PHF24: variants seen among roughly 807,000 people sequenced by gnomAD.
The protein encoded by PHF24 is PHD finger protein 24, also known as Galpha inhibitory interacting protein.
PHF24 carries 25 observed loss-of-function variants against 42.6 expected under a neutral mutation model. The ratio of observed to expected loss-of-function variants is 0.59; its 90% CI spans 0.43 to 0.82. The LOEUF is 0.82. PHF24 is among the 40% of genes least tolerant of loss of function. The probability of loss-of-function intolerance (pLI) is 0.00; values close to 1 mark genes in which losing one functional copy is unlikely to be tolerated. For missense variants in PHF24, 470 were observed against 538.1 expected, an observed-to-expected ratio of 0.87 and a Z score of 1.25; for synonymous variants, 185 against 204.8, an observed-to-expected ratio of 0.90 and a Z score of 0.83.
the PHF24 span, among the ~76,000 whole-genome samples, chr9:34,744,427 T>G: frequency 6.6e-6 from 1 of 152,166 alleles, no homozygotes; most frequent in South Asian, 2.1e-4. Context: ...TATGGCCAAC[T>G]ACAAAGTAGG....
At chr9:34,959,190 C>T (rs1220358157) in intron 1 of PHF24, among the ~76,000 whole-genome samples, 1 of 152,186 alleles carries the variant, frequency 6.6e-6, no homozygotes, top group African/African-American at 2.4e-5. Context: ...ATTTGAGCCC[C>T]TAGGTTTGAC....
At chr9:34,688,592 G>C in the PHF24 span, among the ~76,000 whole-genome samples, 1 of 152,060 alleles carries the variant, frequency 6.6e-6, no homozygotes, top group African/African-American at 2.4e-5. Flanking sequence ...CCACCCCGTG[G>C]GCCTCTCTCC....
the PHF24 span, among the ~76,000 whole-genome samples, chr9:34,869,087 T>C: frequency 2.0e-5 from 3 of 152,208 alleles, no homozygotes; most frequent in Non-Finnish European, 4.4e-5. Context: ...CATAATCTCA[T>C]TCCTTTTTAT....
chr9:34,685,178 A>G, the PHF24 span, among the ~76,000 whole-genome samples: 1 of 152,030 alleles, frequency 6.6e-6, no homozygotes, highest in Non-Finnish European at 1.5e-5. Context: ...GCCTGTCACA[A>G]GGTTCCTTGT....
the PHF24 span, among the ~76,000 whole-genome samples, chr9:34,698,408 T>C: frequency 6.6e-6 from 1 of 152,186 alleles, no homozygotes; most frequent in Non-Finnish European, 1.5e-5. Flanking sequence ...ATACTGTATT[T>C]ATATGTACTA....
chr9:34,733,798 C>T, the PHF24 span, among the ~76,000 whole-genome samples: 14 of 152,068 alleles, frequency 9.2e-5, no homozygotes, highest in East Asian at 1.9e-3. Flanking sequence ...CTACTGTGCC[C>T]GGCCATGGCT....
the PHF24 span, among the ~76,000 whole-genome samples, chr9:34,684,477 G>A: frequency 6.6e-6 from 1 of 152,174 alleles, no homozygotes; most frequent in South Asian, 2.1e-4. Flanking sequence ...CTGCCTCACA[G>A]GTTTAAGTGT....
chr9:34,842,106 TG>T, the PHF24 span, among the ~76,000 whole-genome samples: 2 of 152,246 alleles, frequency 1.3e-5, no homozygotes, highest in African/African-American at 4.8e-5. Flanking sequence ...CATTTATGTC[TG>T]GCTTCTTGCA....
At chr9:34,772,161 A>C in the PHF24 span, among the ~76,000 whole-genome samples, 1 of 152,332 alleles carries the variant, frequency 6.6e-6, no homozygotes, top group South Asian at 2.1e-4. Context: ...AATTAAATTA[A>C]ACTCCCCAAG....
upstream of PHF24, among the ~76,000 whole-genome samples, chr9:34,953,179 G>A (rs1826300695): frequency 6.6e-6 from 1 of 152,200 alleles, no homozygotes; most frequent in South Asian, 2.1e-4. The surrounding 1 kb of genome is among the most constrained non-coding windows in gnomAD (Gnocchi z 4.1). Flanking sequence ...GAGAATGAAA[G>A]GACAAACTAC....
chr9:34,971,122 G>A (rs1826960201), intron 1 of PHF24, among the ~76,000 whole-genome samples, 173 bp from the exon 2 acceptor site: 1 of 152,054 alleles, frequency 6.6e-6, no homozygotes, highest in African/African-American at 2.4e-5. Context: ...ATAAAATTTA[G>A]GAAAGAAGTA....
the PHF24 span, among the ~76,000 whole-genome samples, chr9:34,691,656 C>T: frequency 6.6e-6 from 1 of 152,200 alleles, no homozygotes; most frequent in Non-Finnish European, 1.5e-5. Flanking sequence ...CTCACTGGTG[C>T]TTCTTTCTTG....
At chr9:34,808,178 T>A in the PHF24 span, among the ~76,000 whole-genome samples, 1 of 152,210 alleles carries the variant, frequency 6.6e-6, no homozygotes, top group Non-Finnish European at 1.5e-5. Flanking sequence ...GGTTGTTTAA[T>A]CTTTCTGCAC....
chr9:34,951,518 T>C, the PHF24 span, among the ~76,000 whole-genome samples: 6 of 152,112 alleles, frequency 3.9e-5, no homozygotes, highest in African/African-American at 1.4e-4. Flanking sequence ...TTGCTGGCTT[T>C]GAAGACAGAG....
At chr9:34,907,948 T>G in the PHF24 span, among the ~76,000 whole-genome samples, 1 of 152,116 alleles carries the variant, frequency 6.6e-6, no homozygotes, top group Admixed American at 6.5e-5. Context: ...GTTCAAGCAA[T>G]TCTCCTGCCT....
chr9:34,760,832 A>T, the PHF24 span, among the ~76,000 whole-genome samples: 1 of 152,168 alleles, frequency 6.6e-6, no homozygotes, highest in Non-Finnish European at 1.5e-5. Context: ...TCTTTACAAA[A>T]ATTACAAAAA....
At chr9:34,763,670 C>T in the PHF24 span, among the ~76,000 whole-genome samples, 1 of 152,040 alleles carries the variant, frequency 6.6e-6, no homozygotes, top group Non-Finnish European at 1.5e-5. Context: ...TCCTCTTTTC[C>T]TAATTGAATA....
chr9:34,790,909 C>T, the PHF24 span, among the ~76,000 whole-genome samples: 1 of 152,164 alleles, frequency 6.6e-6, no homozygotes, highest in Non-Finnish European at 1.5e-5. Context: ...GCAAGCAGGC[C>T]AGTGTGACTG....
At chr9:34,823,623 G>GA in the PHF24 span, among the ~76,000 whole-genome samples, 10 of 152,156 alleles carry the variant, frequency 6.6e-5, no homozygotes, top group Non-Finnish European at 8.8e-5. Context: ...CTGTGGCTTA[G>GA]AAAAAAGTTA....
Sources: allele counts gnomAD v4.1 joint callset (sites outside exome capture counted in the v4.1 genomes callset), GRCh38; gene constraint gnomAD v4.1.1; non-coding constraint Gnocchi (gnomAD v3.1); transcripts MANE v1.5; gene names NCBI Gene and HGNC (gene_info 2026-07-23, HGNC 2026-07-21).